PLAC8L1: variants seen among roughly 807,000 people sequenced by gnomAD.
PLAC8L1 encodes PLAC8 like 1, also known as PLAC8-like protein 1.
A neutral mutation model predicts 16.3 loss-of-function variants in PLAC8L1; 13 were observed. The observed-to-expected ratio is 0.80, with a 90% CI of 0.52 to 1.27. The LOEUF (loss-of-function observed/expected upper bound fraction) is 1.27. Ranked by LOEUF, PLAC8L1 falls within the 50% of genes most tolerant of loss-of-function variation. The pLI is 0.00. For missense variants in PLAC8L1, 184 were observed against 220.2 expected, an observed-to-expected ratio of 0.84 and a Z score of 1.04; for synonymous variants, 78 against 79.3, an observed-to-expected ratio of 0.98 and a Z score of 0.09.
intron 2 of PLAC8L1, among the ~76,000 whole-genome samples, chr5:146,090,433 G>A (rs1020675390): frequency 1.3e-5 from 2 of 152,198 alleles, no homozygotes; most frequent in Middle Eastern, 3.4e-3. Flanking sequence ...TACTCAGGAG[G>A]TTGAGGTGGA....
rs946653307 is a variant in PLAC8L1 at position 146,104,642 on chromosome 5, G to A, written c.-331C>T. 19 of 214,284 alleles carry A rather than the reference G, an allele frequency of 8.9e-5. No homozygotes were observed. The highest frequency in any genetic ancestry group is 1.8e-3 in the Middle Eastern group (1 of 554). The allele number at this position is 214,284 out of a possible 1,614,324, so 13.3% of individuals were successfully genotyped here. A position where few individuals can be genotyped will look rare whatever the true frequency, so the allele number is the denominator to read the frequency against. On this transcript the variant is annotated 5_prime_UTR_variant, in exon 1 of 4. It adds an upstream start codon to the 5' untranslated region. Transcript: ENST00000311450. ...TTATCTAGCTAAGTGCCACTTGACC[G>A]TTCCTTGGAAGATTCAGAAGGCTGA... is the stretch of plus-strand genomic sequence containing the variant.
At position 146,085,166 on chromosome 5, in the gene PLAC8L1, G is replaced by A. The variant is rs564833327; in HGVS notation, c.393+295C>T. 1.3e-4 allele frequency among the ~76,000 whole-genome samples: 19 copies of A among 151,622 alleles called. No homozygotes were observed. In the East Asian group the frequency reaches 3.1e-3, roughly 25 times the overall value. On this transcript the variant is annotated intron_variant, in intron 3 of 3. Transcript: ENST00000311450. ...GGCATGGTGGCTCACACCTGTAATC[G>A]CAGCACTTTGGGAGCCCAAGGTGGG... is the stretch of plus-strand genomic sequence containing the variant.
At position 146,084,405 on chromosome 5, in the gene PLAC8L1, G is replaced by GAGTGAGGAGGGTGTTGGGA; in HGVS notation, c.*26_*27insTCCCAACACCCTCCTCACT. 1 of 1,611,508 alleles carries GAGTGAGGAGGGTGTTGGGA rather than the reference G, an allele frequency of 6.2e-7. No homozygotes were observed. The highest frequency in any genetic ancestry group is 8.5e-7 in the Non-Finnish European group (1 of 1,178,282). ...AGAGGTTTGAGAGGAGGGTGTTGGG[G>GAGTGAGGAGGGTGTTGGGA]AGTAAGGAGGAGGAGTTATCTTGCT... On this transcript the variant is annotated 3_prime_UTR_variant, in exon 4 of 4. Transcript: ENST00000311450.
chr5:146,095,820 A>G (rs1763709728), intron 2 of PLAC8L1, among the ~76,000 whole-genome samples: 1 of 152,202 alleles, frequency 6.6e-6, no homozygotes, highest in South Asian at 2.1e-4. Flanking sequence ...GATGGGGATA[A>G]CACAAGGATA....
intron 2 of PLAC8L1, among the ~76,000 whole-genome samples, chr5:146,087,438 TGACA>T (rs1292966724): frequency 6.6e-6 from 1 of 152,240 alleles, no homozygotes; most frequent in Non-Finnish European, 1.5e-5. Context: ...TTGCAAGAAA[TGACA>T]GACAGTTCTC....
chr5:146,094,429 AT>A (rs1763677952), intron 2 of PLAC8L1, among the ~76,000 whole-genome samples: 3 of 152,176 alleles, frequency 2.0e-5, no homozygotes, highest in African/African-American at 7.2e-5. Flanking sequence ...TCTCTGACCT[AT>A]TCACTAATAT....
At chr5:146,093,303 A>C (rs527755957) in intron 2 of PLAC8L1, among the ~76,000 whole-genome samples, 3 of 152,206 alleles carry the variant, frequency 2.0e-5, no homozygotes, top group Non-Finnish European at 4.4e-5. Context: ...ATGGAGTACT[A>C]CTTGCTTTTC....
intron 2 of PLAC8L1, among the ~76,000 whole-genome samples, chr5:146,094,980 T>G (rs1168837842): frequency 4.6e-5 from 7 of 152,210 alleles, no homozygotes; most frequent in Non-Finnish European, 1.5e-5. Flanking sequence ...AGTGATTTAC[T>G]CTAAATAAAA....
chr5:146,093,476 G>A (rs2150035614), intron 2 of PLAC8L1, among the ~76,000 whole-genome samples: 1 of 152,332 alleles, frequency 6.6e-6, no homozygotes, highest in East Asian at 1.9e-4. Context: ...GCACGTTGCA[G>A]AGGGGATTTA....
At position 146,085,474 on chromosome 5, in the gene PLAC8L1, C is replaced by T. The variant is rs767495415; in HGVS notation, c.380G>A (p.Arg127Lys). 2.5e-6 allele frequency: 4 copies of T among 1,614,040 alleles called. No individual in the cohort carries two copies. The African/African-American group carries it at 4.0e-5, about 16-fold the overall frequency. Residue 127 changes from arginine to lysine, a missense_variant, in exon 3 of 4, where the codon AGA becomes AAA. Physicochemically the swap from Arg to Lys is conservative, Grantham distance 26. Transcript: ENST00000311450. ...TFALRIGTRERHKIQGTLCED... is the reference protein window; with the variant it reads ...TFALRIGTREKHKIQGTLCED... ...AAACACACTTACCTGTATTTTATGT[C>T]TCTCCCTGGTGCCAATTCTCAGTGC...
chr5:146,100,474 C>T (rs1010866614), intron 1 of PLAC8L1, among the ~76,000 whole-genome samples: 1 of 148,192 alleles, frequency 6.7e-6, no homozygotes, highest in Non-Finnish European at 1.5e-5. Flanking sequence ...AATTAATGCT[C>T]AATTAAACAC....
At chr5:146,101,115 T>G (rs1194276470) in intron 1 of PLAC8L1, among the ~76,000 whole-genome samples, 2 of 149,432 alleles carry the variant, frequency 1.3e-5, no homozygotes, top group African/African-American at 2.5e-5. Flanking sequence ...AAGGATTGCT[T>G]GAGCCTGGGA....
intron 2 of PLAC8L1, among the ~76,000 whole-genome samples, chr5:146,092,689 C>T (rs1448384693): frequency 6.6e-6 from 1 of 151,840 alleles, no homozygotes; most frequent in African/African-American, 2.4e-5. Context: ...TTGCAGGAGC[C>T]CGCCACCACG....
In PLAC8L1 at chr5:146,084,510, C is replaced by T; in HGVS notation, c.456G>A (p.Val152=). Residue 152 remains valine, a synonymous_variant, in exon 4 of 4, where the codon GTG becomes GTA. Coordinates refer to ENST00000311450, the MANE Select transcript of PLAC8L1 (RefSeq NM_001029869.3). Reference sequence around the variant, plus strand: ...AGGTCCTCATCTTGAGTTCCCGGGCCACCTGGCAGATGGAAAAAGCCCAAC... The same window carrying T: ...AGGTCCTCATCTTGAGTTCCCGGGCTACCTGGCAGATGGAAAAAGCCCAAC... ...HCCWAFSICQ[V]ARELKMRTSQ... 4 of 1,614,174 alleles carry T rather than the reference C, an allele frequency of 2.5e-6. No individual in the cohort carries two copies. The highest frequency in any genetic ancestry group is 1.7e-6 in the Non-Finnish European group (2 of 1,180,036).
intron 1 of PLAC8L1, chr5:146,103,573 G>C: frequency 1.2e-6 from 1 of 850,894 alleles, no homozygotes; most frequent in Non-Finnish European, 1.4e-6. Flanking sequence ...AACCAGTACA[G>C]TTCCAGGCAA....
intron 1 of PLAC8L1, chr5:146,103,582 A>G: frequency 3.3e-6 from 3 of 899,134 alleles, no homozygotes; most frequent in Non-Finnish European, 4.0e-6. Context: ...AGTTCCAGGC[A>G]AACCAAGATG....
At chr5:146,101,391 A>G (rs961932946) in intron 1 of PLAC8L1, among the ~76,000 whole-genome samples, 8 of 152,260 alleles carry the variant, frequency 5.3e-5, no homozygotes, top group Non-Finnish European at 1.2e-4. Flanking sequence ...TCTCTTGTTT[A>G]AGCCACACAG....
rs1023097665 is a variant in PLAC8L1, at chr5:146,104,413, G to T, written c.-102C>A. On this transcript the variant is annotated 5_prime_UTR_variant, in exon 1 of 4. Transcript: ENST00000311450. ...GTCCAAAGTGAAACATCTCTTGAAAGAATGTTCCCTTAATATTCTGGAACC... is the reference window on the plus strand; with the variant it reads ...GTCCAAAGTGAAACATCTCTTGAAATAATGTTCCCTTAATATTCTGGAACC... The T allele has an allele frequency of 1.1e-4, 101 of 926,460 alleles. No homozygotes were observed. The Admixed American group carries it at 1.8e-3, about 16-fold the overall frequency. The allele number at this position is 926,460 out of a possible 1,614,324, so 57.4% of individuals were successfully genotyped here. A position where few individuals can be genotyped will look rare whatever the true frequency, so the allele number is the denominator to read the frequency against.
intron 2 of PLAC8L1, among the ~76,000 whole-genome samples, chr5:146,093,317 T>C (rs1268460307): frequency 1.3e-5 from 2 of 152,164 alleles, no homozygotes; most frequent in Non-Finnish European, 2.9e-5. Context: ...GCTTTTCATA[T>C]ACAAAAAAGG....
Sources: allele counts gnomAD v4.1 joint callset (sites outside exome capture counted in the v4.1 genomes callset), GRCh38; gene constraint gnomAD v4.1.1; transcripts MANE v1.5; gene names NCBI Gene and HGNC (gene_info 2026-07-23, HGNC 2026-07-21).